Variants in PIAS2 observed in about 807,000 individuals in gnomAD.
PIAS2 encodes the protein E3 SUMO-protein ligase PIAS2.
In PIAS2, 19 loss-of-function variants were observed where a neutral mutation model predicts 69.7. That is an observed-to-expected ratio of 0.27 (90% CI 0.19 to 0.40). The LOEUF (loss-of-function observed/expected upper bound fraction) is 0.40. Ranked by LOEUF, PIAS2 falls within the 10% of genes least tolerant of loss-of-function variation. The pLI is 1.00. For missense variants in PIAS2, 624 were observed against 757.0 expected (o/e 0.82, Z 2.06); for synonymous variants, 261 against 263.2 (o/e 0.99, Z 0.08).
intron 3 of PIAS2, among the ~76,000 whole-genome samples, chr18:46,856,618 T>C (rs369250650): frequency 6.6e-6 from 1 of 152,190 alleles, no homozygotes; most frequent in African/African-American, 2.4e-5. Context: ...TAGGAGCTTG[T>C]TGGAAATGCA....
chr18:46,810,154 C>T lies in PIAS2; in HGVS notation c.*2279G>A, dbSNP rs1027303936. 1.4e-5 allele frequency: 2 copies of T among 148,084 alleles called. No homozygotes were observed. The highest frequency in any genetic ancestry group is 3.0e-5 in the Non-Finnish European group (2 of 67,078). 9.2% of individuals were successfully genotyped at this position (148,084 alleles called of 1,614,324 possible). A position where few individuals can be genotyped will look rare whatever the true frequency, so the allele number is the denominator to read the frequency against. Reference sequence around the variant, plus strand: ...TATATGTAATTTCAGTGTAAAACACCAAAACCGAACATTAAAACTGTTCAC... The same window carrying T: ...TATATGTAATTTCAGTGTAAAACACTAAAACCGAACATTAAAACTGTTCAC... On this transcript the variant is annotated 3_prime_UTR_variant, in exon 14 of 14. Coordinates refer to ENST00000585916, the MANE Select transcript of PIAS2 (RefSeq NM_004671.5).
intron 5 of PIAS2, among the ~76,000 whole-genome samples, chr18:46,850,865 G>T (rs11874423): frequency 6.6e-6 from 1 of 152,122 alleles, no homozygotes; most frequent in Non-Finnish European, 1.5e-5. Flanking sequence ...TCAACAGCTG[G>T]TCACCTTGAA....
intron 2 of PIAS2, among the ~76,000 whole-genome samples, chr18:46,872,522 C>G (rs370997885): frequency 2.0e-5 from 3 of 152,166 alleles, no homozygotes; most frequent in East Asian, 1.9e-4. Flanking sequence ...CGTGGATGAC[C>G]TGCTTATATC....
intron 2 of PIAS2, among the ~76,000 whole-genome samples, chr18:46,882,684 C>T (rs558755991): frequency 6.6e-6 from 1 of 152,180 alleles, no homozygotes; most frequent in African/African-American, 2.4e-5. Flanking sequence ...TGAAGATGTA[C>T]ATCAAAAAAG....
chr18:46,881,581 C>T (rs1234359874), intron 2 of PIAS2, among the ~76,000 whole-genome samples: 1 of 152,190 alleles, frequency 6.6e-6, no homozygotes, highest in African/African-American at 2.4e-5. Flanking sequence ...AAAGTAGGCG[C>T]ATTCATCCTT....
At chr18:46,864,490 G>A (rs2049129757) in intron 2 of PIAS2, among the ~76,000 whole-genome samples, 1 of 152,156 alleles carries the variant, frequency 6.6e-6, no homozygotes, top group South Asian at 2.1e-4. Flanking sequence ...ACTAATGCAG[G>A]CTGGGTGCAG....
At chr18:46,903,139 T>C (rs2092516540) in intron 1 of PIAS2, among the ~76,000 whole-genome samples, 1 of 152,172 alleles carries the variant, frequency 6.6e-6, no homozygotes, top group African/African-American at 2.4e-5. Flanking sequence ...ATTTGGGATC[T>C]AAGACTAGGC....
At chr18:46,853,724 G>C (rs2047323416) in intron 5 of PIAS2, 1 of 151,966 alleles carries the variant, frequency 6.6e-6, no homozygotes, top group Non-Finnish European at 1.5e-5. Context: ...AGGAGGCAGA[G>C]GTTGCAGTGA....
At chr18:46,916,763 A>G (rs1193183623) in intron 1 of PIAS2, 2 of 952,468 alleles carry the variant, frequency 2.1e-6, no homozygotes, top group African/African-American at 3.5e-5. Flanking sequence ...GGGATCCCCA[A>G]ACATTAGGTT....
intron 12 of PIAS2, chr18:46,817,650 T>C: frequency 1.0e-6 from 1 of 968,210 alleles, no homozygotes; most frequent in Non-Finnish European, 1.2e-6. Flanking sequence ...TAGAAATTTT[T>C]CTAAAATATT....
chr18:46,832,708 T>C (rs959438190), intron 9 of PIAS2, among the ~76,000 whole-genome samples: 4 of 151,714 alleles, frequency 2.6e-5, no homozygotes, highest in Non-Finnish European at 4.4e-5. Flanking sequence ...CTGGCCACTA[T>C]GGCGAAACCC....
intron 5 of PIAS2, among the ~76,000 whole-genome samples, chr18:46,848,766 A>AGTGTGTGTGTGT (rs554067671): frequency 5.5e-5 from 8 of 146,312 alleles, no homozygotes; most frequent in African/African-American, 2.0e-4. Context: ...AGAGAGAGAC[A>AGTGTGTGTGTGT]GTGTGTGTGT....
At position 46,889,275 on chromosome 18, in the gene PIAS2, C is replaced by T. The variant is rs549240620; in HGVS notation, c.499+1305G>A. ...AAATGTTAAGTTGTACATCAAAAGA[C>T]ACTATCAACAGAGTAAAAAAGGCAA... is the stretch of plus-strand genomic sequence containing the variant. On this transcript the variant is annotated intron_variant, in intron 2 of 13. Transcript: ENST00000585916. 4.8e-4 allele frequency among the ~76,000 whole-genome samples: 73 copies of T among 152,222 alleles called. 2 individuals carry two copies. The East Asian group carries it at 0.014, about 29-fold the overall frequency.
intron 2 of PIAS2, among the ~76,000 whole-genome samples, chr18:46,870,602 C>T (rs1010657709): frequency 5.1e-5 from 5 of 97,968 alleles, no homozygotes; most frequent in Admixed American, 1.8e-4. Context: ...GGCAACAGAG[C>T]AAGACTCCGT....
rs1392462984 is a variant in PIAS2 at position 46,804,662 on chromosome 18, C to T, written c.*7771G>A. ...TCAATCCTCACATTTCTCCACATTA[C>T]TTCTATTAAATCATTGAGGTGCCTC... On this transcript the variant is annotated 3_prime_UTR_variant, in exon 14 of 14. Transcript: ENST00000585916. 2 of 152,186 alleles carry T rather than the reference C, an allele frequency of 1.3e-5. No homozygotes were observed. Among genetic ancestry groups the T allele is most frequent in the Non-Finnish European group, 2.9e-5 (2 of 68,034 alleles). 9.4% of individuals were successfully genotyped at this position (152,186 alleles called of 1,614,324 possible). A position where few individuals can be genotyped will look rare whatever the true frequency, so the allele number is the denominator to read the frequency against.
intron 2 of PIAS2, among the ~76,000 whole-genome samples, chr18:46,889,784 A>G (rs1350658572): frequency 6.6e-6 from 1 of 152,232 alleles, no homozygotes; most frequent in South Asian, 2.1e-4. Flanking sequence ...ACCCGTGTCC[A>G]CAGAATTATT....
intron 1 of PIAS2, among the ~76,000 whole-genome samples, chr18:46,909,796 G>A (rs954385332): frequency 1.3e-5 from 2 of 152,312 alleles, no homozygotes; most frequent in African/African-American, 4.8e-5. Context: ...TATCAGTGCA[G>A]GTCAGGGTTT....
chr18:46,895,543 C>T (rs1353493107), intron 1 of PIAS2, among the ~76,000 whole-genome samples: 1 of 151,982 alleles, frequency 6.6e-6, no homozygotes, highest in Non-Finnish European at 1.5e-5. Context: ...TGGTGTCTCG[C>T]ACCTGTAATT....
At chr18:46,877,722 G>A (rs553543745) in intron 2 of PIAS2, among the ~76,000 whole-genome samples, 1 of 152,260 alleles carries the variant, frequency 6.6e-6, no homozygotes, top group African/African-American at 2.4e-5. Flanking sequence ...CCGCGTTAGG[G>A]ATAAAAACCC....
Sources: gnomAD v4.1 joint callset for allele counts (sites outside exome capture counted in the v4.1 genomes callset) on GRCh38, gnomAD v4.1.1 for gene constraint, MANE v1.5 for transcripts, NCBI Gene and HGNC (gene_info 2026-07-23, HGNC 2026-07-21) for gene names.